Variants in GRK5 observed in about 807,000 individuals in gnomAD.
GRK5 encodes the protein G protein-coupled receptor kinase 5.
GRK5 carries 40 observed loss-of-function variants against 78.4 expected under a neutral mutation model. That is an observed-to-expected ratio of 0.51 (90% CI 0.40 to 0.66). The LOEUF is 0.66. Ranked by LOEUF, GRK5 falls within the 30% of genes least tolerant of loss-of-function variation. The pLI is 0.00. For synonymous variants in GRK5, 289 were observed against 296.8 expected (o/e 0.97, Z 0.27); for missense variants, 598 against 759.9 (o/e 0.79, Z 2.50).
chr10:119,397,167 G>T (rs1852069028), intron 4 of GRK5, among the ~76,000 whole-genome samples: 1 of 152,240 alleles, frequency 6.6e-6, no homozygotes, highest in Admixed American at 6.5e-5. Context: ...AGTGTTGGGG[G>T]TTGACTGGGA....
At chr10:119,244,592 G>A (rs767866152) in intron 1 of GRK5, among the ~76,000 whole-genome samples, 9 of 152,178 alleles carry the variant, frequency 5.9e-5, no homozygotes, top group Non-Finnish European at 1.2e-4. Flanking sequence ...AAATTAGCCG[G>A]GCATGGTGGC....
At chr10:119,344,124 T>A (rs1343514001) in intron 2 of GRK5, among the ~76,000 whole-genome samples, 3 of 151,870 alleles carry the variant, frequency 2.0e-5, no homozygotes, top group Admixed American at 2.0e-4. Context: ...TATTTTTTAT[T>A]TTTTTGGCCT....
At chr10:119,449,052 G>A (rs1853218944) in intron 13 of GRK5, among the ~76,000 whole-genome samples, 3 of 152,252 alleles carry the variant, frequency 2.0e-5, no homozygotes, top group Admixed American at 2.0e-4. Context: ...TGCTGGCAGG[G>A]GGACTGGGCC....
At chr10:119,311,293 A>C (rs1850355501) in intron 1 of GRK5, among the ~76,000 whole-genome samples, 1 of 152,176 alleles carries the variant, frequency 6.6e-6, no homozygotes. Context: ...AAACAGGGAT[A>C]CCCACTCACA....
chr10:119,365,965 G>A (rs186518301), intron 2 of GRK5, among the ~76,000 whole-genome samples: 2 of 152,304 alleles, frequency 1.3e-5, no homozygotes, highest in South Asian at 2.1e-4. Context: ...CTGGTCAAAC[G>A]TTATTGCACC....
At position 119,448,125 on chromosome 10, in the gene GRK5, G is replaced by A. The variant is rs1329058027; in HGVS notation, c.1269G>A (p.Leu423=). The A allele has an allele frequency of 1.9e-6, 3 of 1,550,006 alleles. No homozygotes were observed. The highest frequency in any genetic ancestry group is 1.2e-5 in the South Asian group (1 of 81,688). ...CTTCATGGGGCTCTCTGTTTCAGCT[G>A]CTCACGAAAGATGCGAAGCAGAGGC... The part of the protein sequence containing the change: ...SEEAKSICKM[L]LTKDAKQRLG... Residue 423 remains leucine, a splice_region_variant and synonymous_variant, in exon 13 of 16, where the codon CTG becomes CTA. Coordinates refer to ENST00000392870, the MANE Select transcript of GRK5 (RefSeq NM_005308.3).
intron 2 of GRK5, among the ~76,000 whole-genome samples, chr10:119,360,105 G>A (rs1253931692): frequency 4.6e-5 from 7 of 151,428 alleles, no homozygotes; most frequent in Non-Finnish European, 1.0e-4. Flanking sequence ...TGAGGAGGCC[G>A]AGGGAATCTG....
At chr10:119,331,404 C>T (rs1850776780) in intron 2 of GRK5, among the ~76,000 whole-genome samples, 1 of 152,236 alleles carries the variant, frequency 6.6e-6, no homozygotes, top group Non-Finnish European at 1.5e-5. Context: ...TACAGTCCGT[C>T]GCTGAGGTGT....
At chr10:119,278,437 T>C (rs1295195483) in intron 1 of GRK5, among the ~76,000 whole-genome samples, 1 of 152,112 alleles carries the variant, frequency 6.6e-6, no homozygotes, top group Non-Finnish European at 1.5e-5. Context: ...CCTTATCCAA[T>C]GTCGCTGTGT....
At chr10:119,416,806 CT>C (rs1852464036) in intron 4 of GRK5, among the ~76,000 whole-genome samples, 5 of 152,180 alleles carry the variant, frequency 3.3e-5, no homozygotes. Flanking sequence ...GTTGGCCAGG[CT>C]GGACTCGAAC....
chr10:119,427,217 C>T (rs1852703227), intron 6 of GRK5, among the ~76,000 whole-genome samples: 1 of 151,872 alleles, frequency 6.6e-6, no homozygotes, highest in Non-Finnish European at 1.5e-5. Context: ...AACAGCATCA[C>T]TGCCTTCATC....
intron 4 of GRK5, among the ~76,000 whole-genome samples, chr10:119,421,243 C>T (rs146319715): frequency 2.0e-5 from 3 of 152,228 alleles, no homozygotes; most frequent in Non-Finnish European, 2.9e-5. Context: ...CCCAGGGCCT[C>T]GGGATTTGTG....
intron 13 of GRK5, among the ~76,000 whole-genome samples, chr10:119,451,383 C>T (rs1853282469): frequency 6.6e-6 from 1 of 152,088 alleles, no homozygotes; most frequent in African/African-American, 2.4e-5. Context: ...TCTTAACATT[C>T]CTCTGCAAGC....
intron 2 of GRK5, among the ~76,000 whole-genome samples, chr10:119,360,364 G>C (rs181464218): frequency 3.3e-5 from 5 of 152,368 alleles, no homozygotes; most frequent in Admixed American, 3.3e-4. Flanking sequence ...GGCTGGGTGG[G>C]ATTCTGGAGG....
At chr10:119,370,839 G>T (rs1309138389) in intron 2 of GRK5, among the ~76,000 whole-genome samples, 2 of 152,016 alleles carry the variant, frequency 1.3e-5, no homozygotes, top group Non-Finnish European at 2.9e-5. Context: ...GATCTATCAG[G>T]GACCCCCTTC....
intron 3 of GRK5, among the ~76,000 whole-genome samples, chr10:119,391,578 G>C (rs1046341963): frequency 1.3e-5 from 2 of 152,154 alleles, no homozygotes; most frequent in Non-Finnish European, 2.9e-5. Context: ...CGGGATCGTG[G>C]GAGAAGACTG....
At chr10:119,394,785 G>A (rs1418711124) in intron 3 of GRK5, among the ~76,000 whole-genome samples, 2 of 143,334 alleles carry the variant, frequency 1.4e-5, no homozygotes, top group African/African-American at 5.4e-5. Flanking sequence ...GTGTGGGCAC[G>A]TGTATGTTTG....
chr10:119,366,051 A>C (rs1041342404), intron 2 of GRK5, among the ~76,000 whole-genome samples: 1 of 152,222 alleles, frequency 6.6e-6, no homozygotes, highest in Admixed American at 6.5e-5. Context: ...GACTGCTCCA[A>C]GTCGGGTCCA....
intron 4 of GRK5, among the ~76,000 whole-genome samples, chr10:119,419,536 A>T (rs1184018022): frequency 6.6e-6 from 1 of 152,246 alleles, no homozygotes; most frequent in Non-Finnish European, 1.5e-5. Flanking sequence ...GGAATTGTTT[A>T]ATCTCTTCAA....
Sources: gnomAD v4.1 joint callset for allele counts (sites outside exome capture counted in the v4.1 genomes callset) on GRCh38, gnomAD v4.1.1 for gene constraint, MANE v1.5 for transcripts, NCBI Gene and HGNC (gene_info 2026-07-23, HGNC 2026-07-21) for gene names.